The following ZNF236 variants were observed in gnomAD, a reference collection of about 807,000 sequenced individuals.
ZNF236 encodes the protein regulated by glucose.
Under a neutral mutation model 191.2 loss-of-function variants are expected in ZNF236, and 50 were observed. That is an observed-to-expected ratio of 0.26 (90% CI 0.21 to 0.33). The LOEUF is 0.33. Among genes scored for constraint, ZNF236 ranks in the 10% least tolerant of loss-of-function variants. ZNF236 has a pLI of 1.00. For synonymous variants in ZNF236, 907 were observed against 928.8 expected, an observed-to-expected ratio of 0.98 and a Z score of 0.43; for missense variants, 1,754 against 2,374.5, an observed-to-expected ratio of 0.74 and a Z score of 5.43.
chr18:76,918,720 A>G (rs1388492466), intron 19 of ZNF236, among the ~76,000 whole-genome samples: 1 of 151,936 alleles, frequency 6.6e-6, no homozygotes, highest in Non-Finnish European at 1.5e-5. Context: ...ATGCCTGGTT[A>G]ATTTTTAAAT....
chr18:76,892,444 G>A (rs1248334320), intron 9 of ZNF236, among the ~76,000 whole-genome samples: 1 of 147,740 alleles, frequency 6.8e-6, no homozygotes, highest in Non-Finnish European at 1.5e-5. Context: ...GTTATATTGA[G>A]ATATGTTTTA....
intron 25 of ZNF236, among the ~76,000 whole-genome samples, chr18:76,936,924 T>C (rs1341853177): frequency 6.6e-6 from 1 of 152,232 alleles, no homozygotes; most frequent in African/African-American, 2.4e-5. Context: ...GGTTTTTCTC[T>C]GTGTGTGTTA....
intron 3 of ZNF236, among the ~76,000 whole-genome samples, chr18:76,864,999 C>T (rs1431194452): frequency 6.6e-6 from 1 of 152,140 alleles, no homozygotes; most frequent in Non-Finnish European, 1.5e-5. Flanking sequence ...CAGACTTCAG[C>T]CTTCAGATAC....
intron 3 of ZNF236, 27 bp downstream of exon 3, chr18:76,851,966 T>G (rs746084595): frequency 5.1e-6 from 8 of 1,575,188 alleles, no homozygotes; most frequent in Non-Finnish European, 6.9e-6. Flanking sequence ...TGCATATACT[T>G]TGTTAACTGA....
At chr18:76,950,485 T>G (rs1208645737) in intron 27 of ZNF236, among the ~76,000 whole-genome samples, 3 of 152,050 alleles carry the variant, frequency 2.0e-5, no homozygotes, top group African/African-American at 7.2e-5. Flanking sequence ...CATGAGATCC[T>G]TATCTGCTCA....
At chr18:76,899,993 C>T (rs2041278732) in intron 11 of ZNF236, among the ~76,000 whole-genome samples, 1 of 152,160 alleles carries the variant, frequency 6.6e-6, no homozygotes, top group Admixed American at 6.5e-5. Context: ...AAAGGTCCTA[C>T]CTCTTACTAC....
Position 76,880,118 on chromosome 18 carries a change from A to G in ZNF236, c.990A>G (p.Thr330=), listed in dbSNP as rs772128394. ...STETAHVLTA[T]LFQTLPLQQT... is the part of the protein sequence containing the mutation. ...AAAATGTTTCTGTGTTTCAGGCCAC[A>G]CTTTTTCAGACGTTACCTCTTCAAC... The change falls in exon 8 of 31, where the codon ACA becomes ACG. Residue 330 remains threonine (T), a synonymous_variant. Coordinates refer to ENST00000320610, the MANE Select transcript of ZNF236 (RefSeq NM_001306089.2). The surrounding 1 kb of genome is among the most constrained non-coding windows in gnomAD (Gnocchi z 5.0). The G allele has an allele frequency of 1.9e-5, 30 of 1,609,402 alleles. No homozygotes were observed. Among genetic ancestry groups the G allele is most frequent in the South Asian group, 8.8e-5 (8 of 90,638 alleles).
chr18:76,822,913 G>A (rs1040325221), intron 1 of ZNF236, among the ~76,000 whole-genome samples: 3 of 147,832 alleles, frequency 2.0e-5, no homozygotes, highest in Non-Finnish European at 4.5e-5. Context: ...GGCTGAGGCG[G>A]GAGGCGGGAG....
chr18:76,959,391 G>A (rs1266758448), intron 28 of ZNF236, among the ~76,000 whole-genome samples: 3 of 152,214 alleles, frequency 2.0e-5, no homozygotes, highest in Non-Finnish European at 4.4e-5. Context: ...CTTGGTCTCG[G>A]TTAAAGCTGA....
At position 76,853,711 on chromosome 18, in the gene ZNF236, G is replaced by C. The variant is rs538054411; in HGVS notation, c.363+1772G>C. Among the ~76,000 whole-genome samples the C allele has an allele frequency of 1.1e-4, 17 of 152,138 alleles. No homozygotes were observed. In the South Asian group the frequency reaches 3.3e-3, roughly 30 times the overall value. ...GGGACTAAGTTAATAAGAATACATT[G>C]TATGTTTGAAAATTGCTGGCTCGGC... is the stretch of plus-strand genomic sequence containing the variant. On this transcript the variant is annotated intron_variant, in intron 3 of 30. Transcript: ENST00000320610.
intron 3 of ZNF236, among the ~76,000 whole-genome samples, chr18:76,852,293 ATGGTAGAATCTCCT>A (rs1242812391): frequency 6.6e-6 from 1 of 152,202 alleles, no homozygotes; most frequent in Admixed American, 6.5e-5. Context: ...TGCTTTGAAG[ATGGTAGAATCTCCT>A]TGCTTGCTCC....
At chr18:76,831,608 G>C (rs1052069155) in intron 1 of ZNF236, among the ~76,000 whole-genome samples, 11 of 152,236 alleles carry the variant, frequency 7.2e-5, no homozygotes, top group Middle Eastern at 3.4e-3. Flanking sequence ...TTTCTAACAG[G>C]CTGCGAAGCT....
At chr18:76,912,933 G>A (rs779260758) in intron 17 of ZNF236, among the ~76,000 whole-genome samples, 4 of 152,232 alleles carry the variant, frequency 2.6e-5, no homozygotes, top group Admixed American at 1.3e-4. Flanking sequence ...GATTACAGGC[G>A]TGAGCCACCG....
chr18:76,929,027 T>C (rs1458535293), intron 25 of ZNF236, among the ~76,000 whole-genome samples: 1 of 148,586 alleles, frequency 6.7e-6, no homozygotes, highest in Non-Finnish European at 1.5e-5. Context: ...GCAGCCCCAC[T>C]TCCCTGAAAC....
At position 76,970,301 on chromosome 18, in the gene ZNF236, T is replaced by G. The variant is rs1247258919; in HGVS notation, c.*1962T>G. The G allele has an allele frequency of 6.6e-6, 1 of 152,642 alleles. No individual in the cohort carries two copies. Among genetic ancestry groups the G allele is most frequent in the African/African-American group, 2.4e-5 (1 of 41,466 alleles). The allele number at this position is 152,642 out of a possible 1,614,324, so 9.5% of individuals were successfully genotyped here. A position where few individuals can be genotyped will look rare whatever the true frequency, so the allele number is the denominator to read the frequency against. On this transcript the variant is annotated 3_prime_UTR_variant, in exon 31 of 31. Coordinates refer to ENST00000320610, the MANE Select transcript of ZNF236 (RefSeq NM_001306089.2). ...TTTAATTCCTAATTGTATAGAAAGC[T>G]AGTTTGGTGAATTGTATTGGTTAAT...
chr18:76,888,727 C>G (rs1977135355), intron 9 of ZNF236: 1 of 152,266 alleles, frequency 6.6e-6, no homozygotes, highest in South Asian at 2.1e-4. Flanking sequence ...GCTATCCATC[C>G]CAGGTGCTCT....
intron 1 of ZNF236, among the ~76,000 whole-genome samples, chr18:76,830,344 TCTC>T (rs1975133580): frequency 6.6e-6 from 1 of 152,238 alleles, no homozygotes; most frequent in Admixed American, 6.5e-5. Flanking sequence ...AAATTACTCT[TCTC>T]CTCTTGATAT....
At chr18:76,910,879 TTATTAAAAATTTCCTTAA>T in intron 16 of ZNF236, 68 bp downstream of exon 16, 1 of 1,550,048 alleles carries the variant, frequency 6.5e-7, no homozygotes, top group Non-Finnish European at 8.7e-7. Context: ...TTCACTGTCA[TTATTAAAAATTTCCTTAA>T]GGGAAATTTT....
rs1325729683 is a variant in ZNF236, at chr18:76,960,540, CT to C, written c.5243-136del. On this transcript the variant is annotated intron_variant, in intron 29 of 30. Coordinates refer to ENST00000320610, the MANE Select transcript of ZNF236 (RefSeq NM_001306089.2). This position sits in a 1 kb window ranked among gnomAD's most constrained non-coding sequence, Gnocchi z 4.4. ...TGGTCTCCCTATGGCTCCTCCAGCC[CT>C]TTGTTCAGATGACAGCCAGGCTGAA... 3 of 1,140,872 alleles carry C rather than the reference CT, an allele frequency of 2.6e-6. No individual in the cohort carries two copies. In the East Asian group the frequency reaches 7.1e-5, roughly 27 times the overall value. 70.7% of individuals were successfully genotyped at this position (1,140,872 alleles called of 1,614,324 possible).
Sources: gnomAD v4.1 joint callset for allele counts (sites outside exome capture counted in the v4.1 genomes callset) on GRCh38, gnomAD v4.1.1 for gene constraint, Gnocchi (gnomAD v3.1) non-coding constraint, MANE v1.5 for transcripts, NCBI Gene and HGNC (gene_info 2026-07-23, HGNC 2026-07-21) for gene names.